Variants in GPC5 observed in about 807,000 individuals in gnomAD.
GPC5 encodes the protein glypican-5.
Under a neutral mutation model 53.9 loss-of-function variants are expected in GPC5, and 47 were observed. The observed-to-expected ratio is 0.87, with a 90% CI of 0.69 to 1.11. The LOEUF (loss-of-function observed/expected upper bound fraction) is 1.11, where lower values mean the gene tolerates loss of function less well. GPC5 is among the 50% of genes most tolerant of loss of function. The pLI, the probability that GPC5 is intolerant of heterozygous loss-of-function variation, is 0.00. For missense variants in GPC5, 748 were observed against 713.1 expected (o/e 1.05, Z -0.56); for synonymous variants, 286 against 263.3 (o/e 1.09, Z -0.84).
intron 7 of GPC5, among the ~76,000 whole-genome samples, chr13:92,586,966 G>GCACA (rs56052352): frequency 7.3e-5 from 11 of 150,668 alleles, no homozygotes; most frequent in African/African-American, 2.7e-4. Flanking sequence ...ACACACACGC[G>GCACA]CACACACACA....
chr13:91,681,901 A>G (rs934435980), intron 2 of GPC5, among the ~76,000 whole-genome samples: 1 of 152,242 alleles, frequency 6.6e-6, no homozygotes, highest in African/African-American at 2.4e-5. Flanking sequence ...GCTAATTAAC[A>G]GTGAAATGTT....
At chr13:92,393,669 A>G (rs781678800) in intron 7 of GPC5, among the ~76,000 whole-genome samples, 2 of 152,128 alleles carry the variant, frequency 1.3e-5, no homozygotes, top group African/African-American at 2.4e-5. Context: ...AAAAAAACTT[A>G]CGAACACAAA....
intron 6 of GPC5, 106 bp downstream of exon 6, chr13:91,908,163 A>G: frequency 1.1e-6 from 1 of 899,376 alleles, no homozygotes. Context: ...AATCCTACCT[A>G]AAATATTGTA....
At chr13:91,714,305 A>C (rs1355363148) in intron 3 of GPC5, among the ~76,000 whole-genome samples, 1 of 152,204 alleles carries the variant, frequency 6.6e-6, no homozygotes, top group African/African-American at 2.4e-5. Context: ...GGCAACATTC[A>C]GATCACAATA....
chr13:92,551,542 G>A (rs1882311895), intron 7 of GPC5, among the ~76,000 whole-genome samples: 2 of 151,860 alleles, frequency 1.3e-5, no homozygotes, highest in African/African-American at 4.8e-5. Flanking sequence ...ATCTGAAGGA[G>A]CTATTAAGAG....
chr13:92,641,512 G>C (rs1050550872), intron 7 of GPC5, among the ~76,000 whole-genome samples: 4 of 152,192 alleles, frequency 2.6e-5, no homozygotes, highest in Non-Finnish European at 5.9e-5. Context: ...ACATAGATTA[G>C]ATGAAAATAT....
At chr13:92,184,216 A>G (rs2042166992) in intron 7 of GPC5, among the ~76,000 whole-genome samples, 1 of 152,136 alleles carries the variant, frequency 6.6e-6, no homozygotes, top group African/African-American at 2.4e-5. Context: ...GCTTGTTCTA[A>G]AACTCCATAA....
chr13:91,694,077 A>G (rs2035827231), intron 3 of GPC5, among the ~76,000 whole-genome samples, 196 bp downstream of exon 3: 1 of 152,200 alleles, frequency 6.6e-6, no homozygotes, highest in Non-Finnish European at 1.5e-5. Context: ...TGAAAGGGTG[A>G]GTACTGTGAC....
chr13:91,513,111 C>A (rs1377318205), intron 2 of GPC5, among the ~76,000 whole-genome samples: 1 of 152,158 alleles, frequency 6.6e-6, no homozygotes, highest in African/African-American at 2.4e-5. Flanking sequence ...CCTATGAACC[C>A]ATCACCTAGG....
intron 7 of GPC5, among the ~76,000 whole-genome samples, chr13:92,311,743 T>C (rs564351112): frequency 1.0e-3 from 154 of 152,218 alleles, no homozygotes; most frequent in African/African-American, 3.6e-3. Flanking sequence ...TTCAGTTACC[T>C]CCCACTGGGT....
intron 7 of GPC5, among the ~76,000 whole-genome samples, chr13:92,552,382 A>C (rs1882347821): frequency 6.6e-6 from 1 of 151,964 alleles, no homozygotes; most frequent in South Asian, 2.1e-4. Flanking sequence ...TGGTATCTGC[A>C]GGAATCATAT....
chr13:92,169,847 T>C (rs1001062294), intron 7 of GPC5, among the ~76,000 whole-genome samples: 1 of 152,094 alleles, frequency 6.6e-6, no homozygotes, highest in African/African-American at 2.4e-5. Context: ...GTTTATTTAT[T>C]TTATTTAGGC....
intron 6 of GPC5, among the ~76,000 whole-genome samples, chr13:92,038,400 A>C (rs1042615082): frequency 6.6e-6 from 1 of 150,452 alleles, no homozygotes; most frequent in Admixed American, 6.6e-5. Context: ...AGATAGATCG[A>C]TCCCTGTTTG....
chr13:91,776,807 A>G (rs1431628907), intron 5 of GPC5, among the ~76,000 whole-genome samples: 1 of 152,232 alleles, frequency 6.6e-6, no homozygotes, highest in Non-Finnish European at 1.5e-5. Flanking sequence ...TTCAAATGTC[A>G]GTGGTATGGC....
chr13:91,868,449 A>G (rs896236785), intron 5 of GPC5, among the ~76,000 whole-genome samples: 1 of 152,214 alleles, frequency 6.6e-6, no homozygotes, highest in Non-Finnish European at 1.5e-5. Context: ...CCTCATGCCT[A>G]TAATCCCAAC....
At chr13:91,732,373 TG>T (rs2036719761) in intron 4 of GPC5, among the ~76,000 whole-genome samples, 1 of 147,650 alleles carries the variant, frequency 6.8e-6, no homozygotes, top group Admixed American at 6.7e-5. Context: ...CACTTTTTGA[TG>T]TTTTTTTTTT....
intron 7 of GPC5, among the ~76,000 whole-genome samples, chr13:92,419,346 T>C (rs1876459324): frequency 6.6e-6 from 1 of 152,182 alleles, no homozygotes; most frequent in African/African-American, 2.4e-5. Flanking sequence ...ATTTTTTTCT[T>C]CCTTTCATAA....
At chr13:91,443,890 G>A (rs1273875026) in intron 1 of GPC5, among the ~76,000 whole-genome samples, 1 of 152,018 alleles carries the variant, frequency 6.6e-6, no homozygotes, top group African/African-American at 2.4e-5. Context: ...CTAAAGATCC[G>A]GATTTTCAAG....
intron 2 of GPC5, among the ~76,000 whole-genome samples, chr13:91,580,303 G>A (rs2032312272): frequency 6.6e-6 from 1 of 152,136 alleles, no homozygotes; most frequent in South Asian, 2.1e-4. Flanking sequence ...GCCTGCCTTG[G>A]CCTCCCAAAG....
Sources: gnomAD v4.1 joint callset for allele counts (sites outside exome capture counted in the v4.1 genomes callset) on GRCh38, gnomAD v4.1.1 for gene constraint, MANE v1.5 for transcripts, NCBI Gene and HGNC (gene_info 2026-07-23, HGNC 2026-07-21) for gene names.